Variants in DOCK10 observed in about 807,000 individuals in gnomAD.
DOCK10 encodes the protein dedicator of cytokinesis protein 10.
In DOCK10, 145 loss-of-function variants were observed where a neutral mutation model predicts 280.1. The ratio of observed to expected loss-of-function variants is 0.52; its 90% CI spans 0.45 to 0.59. The LOEUF (loss-of-function observed/expected upper bound fraction) is 0.59. Ranked by LOEUF, DOCK10 falls within the 20% of genes least tolerant of loss-of-function variation. DOCK10 has a pLI of 0.00. For missense variants in DOCK10, 2,368 were observed against 2,651.7 expected (o/e 0.89, Z 2.35); for synonymous variants, 915 against 942.2 (o/e 0.97, Z 0.53).
chr2:224,784,344 G>T (rs968639827), intron 50 of DOCK10, among the ~76,000 whole-genome samples: 4 of 151,978 alleles, frequency 2.6e-5, no homozygotes, highest in African/African-American at 9.7e-5. Context: ...GACCATTCTG[G>T]TCTCCTTAAT....
chr2:225,035,109 G>C (rs891112727), intron 1 of DOCK10, among the ~76,000 whole-genome samples: 4 of 152,128 alleles, frequency 2.6e-5, no homozygotes, highest in African/African-American at 9.7e-5. Flanking sequence ...CTTCATCAAG[G>C]GTCACAGAGC....
chr2:224,860,339 TG>T, intron 14 of DOCK10, among the ~76,000 whole-genome samples: 1 of 152,322 alleles, frequency 6.6e-6, no homozygotes, highest in South Asian at 2.1e-4. Context: ...GGGGACTTGG[TG>T]AGATAGATAT....
chr2:224,797,567 G>A (rs1266585676), intron 42 of DOCK10, among the ~76,000 whole-genome samples: 2 of 151,994 alleles, frequency 1.3e-5, no homozygotes, highest in African/African-American at 2.4e-5. Flanking sequence ...ACCTAACTTG[G>A]TGCCGCAAAC....
At chr2:224,916,930 T>A in intron 2 of DOCK10, 146 bp from the exon 3 acceptor site, 2 of 630,338 alleles carry the variant, frequency 3.2e-6, no homozygotes, top group South Asian at 4.0e-5. Context: ...TTCTTCCCAA[T>A]TTAATCTCTA....
intron 31 of DOCK10, among the ~76,000 whole-genome samples, chr2:224,809,402 A>G (rs1693614909): frequency 6.6e-6 from 1 of 152,134 alleles, no homozygotes; most frequent in African/African-American, 2.4e-5. Flanking sequence ...ACAAAATGAA[A>G]AAGCAAACTA....
chr2:224,989,950 A>T (rs1184645104), intron 1 of DOCK10, among the ~76,000 whole-genome samples: 2 of 152,112 alleles, frequency 1.3e-5, no homozygotes, highest in African/African-American at 4.8e-5. Flanking sequence ...ACTTAATTAT[A>T]GTGGCCTCCT....
rs1270875402 is a variant in DOCK10 at position 224,805,384 on chromosome 2, G to A, written c.3936+24C>T. ...AGTGACCTCTGCCTTGTAATGATCA[G>A]TAGGTTTGAGAGGGAAGTCATACCT... On this transcript the variant is annotated intron_variant, in intron 35 of 55. Coordinates refer to ENST00000258390, the MANE Select transcript of DOCK10 (RefSeq NM_014689.3). The surrounding 1 kb of genome is among the most constrained non-coding windows in gnomAD (Gnocchi z 4.3). The A allele has an allele frequency of 2.5e-6, 4 of 1,612,770 alleles. No homozygotes were observed. The Admixed American group carries it at 6.7e-5, about 27-fold the overall frequency.
intron 1 of DOCK10, among the ~76,000 whole-genome samples, chr2:224,961,996 C>A (rs1704478666): frequency 6.6e-6 from 1 of 152,124 alleles, no homozygotes. Flanking sequence ...CCATGAAAAT[C>A]TGAACTAGGG....
intron 1 of DOCK10, among the ~76,000 whole-genome samples, chr2:225,017,022 C>T (rs1027872019): frequency 1.3e-5 from 2 of 150,988 alleles, no homozygotes; most frequent in African/African-American, 2.4e-5. Flanking sequence ...TGCGCCCGGC[C>T]GCCTCTTATA....
intron 4 of DOCK10, among the ~76,000 whole-genome samples, chr2:224,886,903 A>T (rs1699333722): frequency 7.2e-6 from 1 of 139,838 alleles, no homozygotes; most frequent in Non-Finnish European, 1.5e-5. Context: ...CCCAAGTAGT[A>T]CCTGGGATTA....
chr2:224,983,825 G>GA (rs908720198), intron 1 of DOCK10: 9 of 470,604 alleles, frequency 1.9e-5, no homozygotes, highest in Non-Finnish European at 3.1e-5. Context: ...GGAAAAAGAA[G>GA]AAAAAAAATG....
At chr2:224,995,885 C>A (rs1398395236) in intron 1 of DOCK10, among the ~76,000 whole-genome samples, 1 of 152,168 alleles carries the variant, frequency 6.6e-6, no homozygotes, top group East Asian at 1.9e-4. Context: ...CTATGGATAT[C>A]CAAACTCCAA....
At position 224,796,397 on chromosome 2, in the gene DOCK10, G is replaced by A. The variant is rs1219456600; in HGVS notation, c.4857C>T (p.Ala1619=). 28 of 1,568,150 alleles carry A rather than the reference G, an allele frequency of 1.8e-5. No homozygotes were observed. The highest frequency in any genetic ancestry group is 4.7e-5 in the East Asian group (2 of 42,826). ...QLIKAVSQLI[A]DAGIGGSRFQ... is the part of the protein sequence containing the mutation. ...ACCGAGAGCCTCCAATCCCAGCATC[G>A]GCTATTAACTGGCTCACAGCTTTGA... The change falls in exon 44 of 56, where the codon GCC becomes GCT. Residue 1619 remains alanine, a synonymous_variant. Coordinates refer to ENST00000258390, the MANE Select transcript of DOCK10 (RefSeq NM_014689.3).
chr2:224,974,889 G>A (rs1358941291), intron 1 of DOCK10, among the ~76,000 whole-genome samples: 2 of 116,536 alleles, frequency 1.7e-5, no homozygotes, highest in Non-Finnish European at 4.1e-5. Flanking sequence ...TGTGTGATAT[G>A]TATTTATCTA....
At chr2:224,807,463 G>A in intron 33 of DOCK10, 1 of 431,114 alleles carries the variant, frequency 2.3e-6, no homozygotes, top group Admixed American at 3.7e-5. Flanking sequence ...AGAAATGAAA[G>A]CAAAATGCTG....
intron 1 of DOCK10, among the ~76,000 whole-genome samples, chr2:225,000,778 G>A (rs570958011): frequency 2.0e-5 from 3 of 152,286 alleles, no homozygotes; most frequent in South Asian, 2.1e-4. Flanking sequence ...TCAGGAGTTC[G>A]AGACCAGTCT....
intron 1 of DOCK10, among the ~76,000 whole-genome samples, chr2:225,035,570 A>ATAT (rs1553634921): frequency 5.2e-5 from 3 of 58,228 alleles, no homozygotes; most frequent in East Asian, 6.0e-4. Context: ...ATATATATAT[A>ATAT]TATATATATA....
chr2:225,020,803 T>A (rs1332256519), intron 1 of DOCK10, among the ~76,000 whole-genome samples: 2 of 152,204 alleles, frequency 1.3e-5, no homozygotes, highest in Non-Finnish European at 2.9e-5. Flanking sequence ...CTGGTTTAGA[T>A]TCCCAAGGAT....
At position 224,876,210 on chromosome 2, in the gene DOCK10, T is replaced by C. The variant is rs1698618314; in HGVS notation, c.759A>G (p.Leu253=). The change falls in exon 8 of 56, where the codon CTA becomes CTG. Residue 253 remains leucine (L), a synonymous_variant. Coordinates refer to ENST00000258390, the MANE Select transcript of DOCK10 (RefSeq NM_014689.3). ...SCTGVVQNNR[L]RKYAFELKMN... is the part of the protein sequence containing the mutation. ...TTTTCAATTCAAAGGCATATTTTCT[T>C]AGTCTGTTATTCTGTGGTATAAAAA... 5 of 1,608,774 alleles carry C rather than the reference T, an allele frequency of 3.1e-6. No individual in the cohort carries two copies. Among genetic ancestry groups the C allele is most frequent in the Non-Finnish European group, 4.2e-6 (5 of 1,177,064 alleles).
Sources: allele counts gnomAD v4.1 joint callset (sites outside exome capture counted in the v4.1 genomes callset), GRCh38; gene constraint gnomAD v4.1.1; non-coding constraint Gnocchi (gnomAD v3.1); transcripts MANE v1.5; gene names NCBI Gene and HGNC (gene_info 2026-07-23, HGNC 2026-07-21).